The following CPQ variants were observed in gnomAD, a reference collection of about 807,000 sequenced individuals.
CPQ encodes carboxypeptidase Q.
A neutral mutation model predicts 45.7 loss-of-function variants in CPQ; 37 were observed. The ratio of observed to expected loss-of-function variants is 0.81; its 90% CI spans 0.62 to 1.07. The LOEUF (loss-of-function observed/expected upper bound fraction) is 1.07. Among genes scored for constraint, CPQ ranks in the 50% least tolerant of loss-of-function variants. CPQ has a pLI of 0.00. For synonymous variants in CPQ, 186 were observed against 205.8 expected (o/e 0.90, Z 0.82); for missense variants, 537 against 572.9 (o/e 0.94, Z 0.64).
At chr8:97,137,070 A>G (rs1319418902) in intron 7 of CPQ, among the ~76,000 whole-genome samples, 1 of 152,152 alleles carries the variant, frequency 6.6e-6, no homozygotes. Flanking sequence ...CAGCATTCTC[A>G]CTAGTGATTG....
intron 3 of CPQ, among the ~76,000 whole-genome samples, chr8:96,858,687 T>G (rs1811887425): frequency 6.6e-6 from 1 of 152,202 alleles, no homozygotes; most frequent in South Asian, 2.1e-4. Flanking sequence ...CTATGTGTAT[T>G]TCCCCACTCC....
chr8:96,923,167 T>C (rs1339405923), intron 4 of CPQ, among the ~76,000 whole-genome samples: 1 of 152,184 alleles, frequency 6.6e-6, no homozygotes, highest in East Asian at 1.9e-4. Flanking sequence ...TAGAAGATAG[T>C]AGGCTACAAA....
At chr8:97,016,165 A>G (rs1278447434) in intron 5 of CPQ, among the ~76,000 whole-genome samples, 2 of 152,214 alleles carry the variant, frequency 1.3e-5, no homozygotes, top group Non-Finnish European at 2.9e-5. Flanking sequence ...TAGCTGATGG[A>G]AAATTTTGGT....
intron 4 of CPQ, among the ~76,000 whole-genome samples, chr8:96,949,285 A>C (rs938047890): frequency 2.2e-4 from 33 of 150,360 alleles, no homozygotes; most frequent in African/African-American, 7.6e-4. Flanking sequence ...ATATGCTTTA[A>C]TTCTTGTTGA....
At position 96,787,525 on chromosome 8, in the gene CPQ, C is replaced by CTTTTTTTTTTTTTTTT. The variant is rs71267281; in HGVS notation, c.433+2210_433+2225dup. ...TTGTAGTTTCATTTTCTTATAATGTCTTTTTTTTTTTTTTTTTTTTTTTTT... is the reference window on the plus strand; with the variant it reads ...TTGTAGTTTCATTTTCTTATAATGTCTTTTTTTTTTTTTTTTTTTTTTTTTTTTTTTTTTTTTTTTT... On this transcript the variant is annotated intron_variant, in intron 2 of 7. Coordinates refer to ENST00000220763, the MANE Select transcript of CPQ (RefSeq NM_016134.4). 7.1e-3 allele frequency among the ~76,000 whole-genome samples: 337 copies of CTTTTTTTTTTTTTTTT among 47,590 alleles called. 104 individuals are homozygous for CTTTTTTTTTTTTTTTT. The highest frequency in any genetic ancestry group is 0.018 in the East Asian group (16 of 894). 31.2% of individuals were successfully genotyped at this position (47,590 alleles called of 152,430 possible). A position where few individuals can be genotyped will look rare whatever the true frequency, so the allele number is the denominator to read the frequency against.
chr8:96,993,232 G>C (rs1809125417), intron 5 of CPQ, among the ~76,000 whole-genome samples: 1 of 152,122 alleles, frequency 6.6e-6, no homozygotes, highest in Non-Finnish European at 1.5e-5. Context: ...TGCCTGAATG[G>C]GTTTGTGTAT....
At chr8:96,994,369 G>C (rs909654662) in intron 5 of CPQ, among the ~76,000 whole-genome samples, 5 of 152,132 alleles carry the variant, frequency 3.3e-5, no homozygotes, top group Non-Finnish European at 7.4e-5. Flanking sequence ...AATGATCTCA[G>C]CTGTCTACAG....
At chr8:97,099,654 AAAG>A (rs897508001) in intron 7 of CPQ, among the ~76,000 whole-genome samples, 3 of 152,164 alleles carry the variant, frequency 2.0e-5, no homozygotes, top group African/African-American at 7.2e-5. Context: ...GAAAAGGATC[AAAG>A]AAGGGAAAAT....
intron 3 of CPQ, among the ~76,000 whole-genome samples, chr8:96,854,392 G>T (rs1278669993): frequency 2.0e-5 from 3 of 149,260 alleles, no homozygotes; most frequent in African/African-American, 5.0e-5. Flanking sequence ...TTAGCAGGGC[G>T]TAGTGGCGGG....
At chr8:96,658,442 A>C (rs1815661899) in intron 1 of CPQ, among the ~76,000 whole-genome samples, 1 of 152,206 alleles carries the variant, frequency 6.6e-6, no homozygotes, top group Non-Finnish European at 1.5e-5. Flanking sequence ...TCATCCATAA[A>C]ATTGGGATAA....
chr8:96,975,699 C>T (rs1813766422), intron 5 of CPQ, among the ~76,000 whole-genome samples: 1 of 152,026 alleles, frequency 6.6e-6, no homozygotes, highest in Admixed American at 6.5e-5. Flanking sequence ...AGACATAAGT[C>T]AATAAATATG....
chr8:96,850,650 C>G (rs1811759334), intron 3 of CPQ, among the ~76,000 whole-genome samples: 1 of 148,148 alleles, frequency 6.8e-6, no homozygotes, highest in Non-Finnish European at 1.5e-5. Context: ...GCTCTTGTTG[C>G]CCAGGCTAGA....
At chr8:97,122,405 C>T (rs1363970153) in intron 7 of CPQ, among the ~76,000 whole-genome samples, 2 of 151,896 alleles carry the variant, frequency 1.3e-5, no homozygotes, top group Non-Finnish European at 2.9e-5. Context: ...CAAAAATCTG[C>T]CCACCTAGAA....
At chr8:97,124,487 G>A (rs1273409460) in intron 7 of CPQ, among the ~76,000 whole-genome samples, 1 of 152,102 alleles carries the variant, frequency 6.6e-6, no homozygotes, top group Non-Finnish European at 1.5e-5. Context: ...TTCTTTTTAA[G>A]TGCACATGGG....
chr8:96,655,143 C>T (rs2130706877), intron 1 of CPQ, among the ~76,000 whole-genome samples: 1 of 151,848 alleles, frequency 6.6e-6, no homozygotes. Context: ...TTTTCTGTTT[C>T]CTTTTAAAAT....
intron 4 of CPQ, among the ~76,000 whole-genome samples, chr8:96,925,623 T>C (rs909766557): frequency 5.9e-5 from 9 of 152,124 alleles, no homozygotes; most frequent in Non-Finnish European, 1.3e-4. Flanking sequence ...CCTCAAGTGA[T>C]CTGCCCGCCT....
chr8:96,992,572 G>A (rs567542313), intron 5 of CPQ, among the ~76,000 whole-genome samples: 37 of 152,250 alleles, frequency 2.4e-4, no homozygotes, highest in Non-Finnish European at 5.3e-4. Flanking sequence ...CACAGATAAG[G>A]TGTCTCTCCT....
chr8:97,124,663 C>T (rs879361914), intron 7 of CPQ, among the ~76,000 whole-genome samples: 1 of 152,114 alleles, frequency 6.6e-6, no homozygotes, highest in Non-Finnish European at 1.5e-5. Flanking sequence ...TTAAATATCA[C>T]ACTTCTAAAT....
At chr8:97,087,109 T>C (rs1438547449) in intron 7 of CPQ, among the ~76,000 whole-genome samples, 1 of 152,224 alleles carries the variant, frequency 6.6e-6, no homozygotes, top group African/African-American at 2.4e-5. Flanking sequence ...CCTTTGATGT[T>C]GTTTGCCCCT....
Sources: allele counts gnomAD v4.1 joint callset (sites outside exome capture counted in the v4.1 genomes callset), GRCh38; gene constraint gnomAD v4.1.1; transcripts MANE v1.5; gene names NCBI Gene and HGNC (gene_info 2026-07-23, HGNC 2026-07-21).